MARCHF1: variants seen among roughly 807,000 people sequenced by gnomAD.
The protein encoded by MARCHF1 is E3 ubiquitin-protein ligase MARCHF1.
In MARCHF1, 40 loss-of-function variants were observed where a neutral mutation model predicts 54.2. The observed-to-expected ratio is 0.74, with a 90% CI of 0.57 to 0.96. MARCHF1 has a LOEUF of 0.96. Ranked by LOEUF, MARCHF1 falls within the 40% of genes least tolerant of loss-of-function variation. The pLI is 0.00. For synonymous variants in MARCHF1, 236 were observed against 236.3 expected (o/e 1.00, Z 0.01); for missense variants, 586 against 656.5 (o/e 0.89, Z 1.17).
intron 1 of MARCHF1, among the ~76,000 whole-genome samples, chr4:164,319,305 A>G (rs1735078164): frequency 6.6e-6 from 1 of 152,110 alleles, no homozygotes; most frequent in Non-Finnish European, 1.5e-5. Flanking sequence ...ATACTACACC[A>G]TTTTATATAA....
intron 3 of MARCHF1, among the ~76,000 whole-genome samples, chr4:163,946,822 T>C (rs764824512): frequency 3.5e-4 from 53 of 152,230 alleles, no homozygotes; most frequent in Non-Finnish European, 6.9e-4. Context: ...CCATTATCTA[T>C]TTTCCATGGA....
At chr4:164,064,113 C>A (rs1754677696) in intron 2 of MARCHF1, among the ~76,000 whole-genome samples, 1 of 152,106 alleles carries the variant, frequency 6.6e-6, no homozygotes, top group Non-Finnish European at 1.5e-5. Context: ...TAGCTTTGTT[C>A]TTTTGTCTTA....
intron 3 of MARCHF1, among the ~76,000 whole-genome samples, chr4:163,983,028 G>A (rs1461244835): frequency 6.6e-6 from 1 of 152,102 alleles, no homozygotes; most frequent in African/African-American, 2.4e-5. Context: ...GGGGAGGGTT[G>A]GTTCTCTGAA....
intron 3 of MARCHF1, among the ~76,000 whole-genome samples, chr4:163,882,738 G>A (rs771289718): frequency 1.3e-5 from 2 of 152,194 alleles, no homozygotes; most frequent in Middle Eastern, 3.4e-3. Context: ...GGAGGCTGAG[G>A]TAGGTGGATT....
intron 1 of MARCHF1, among the ~76,000 whole-genome samples, chr4:164,352,100 A>G (rs1296109098): frequency 2.4e-5 from 3 of 126,622 alleles, no homozygotes; most frequent in African/African-American, 8.2e-5. Context: ...TCCAAGAAAT[A>G]TGGGACTATG....
At chr4:163,638,744 C>G (rs11932219) in intron 5 of MARCHF1, among the ~76,000 whole-genome samples, 7,116 of 151,976 alleles carry the variant, frequency 0.047, 313 homozygotes, top group South Asian at 0.1. Flanking sequence ...TTCGCAATAG[C>G]CAAAAGGTGA....
intron 5 of MARCHF1, among the ~76,000 whole-genome samples, chr4:163,620,732 G>A (rs899012021): frequency 1.3e-5 from 2 of 151,870 alleles, no homozygotes; most frequent in African/African-American, 2.4e-5. Flanking sequence ...CATCTTGTTA[G>A]GGTAAATAGT....
rs564848511 is a variant in MARCHF1 at position 163,696,441 on chromosome 4, A to G, written c.162+4372T>C. On this transcript the variant is annotated intron_variant, in intron 5 of 9. Coordinates refer to ENST00000514618, the MANE Select transcript of MARCHF1 (RefSeq NM_001394959.1). Reference sequence around the variant, plus strand: ...AAGGACCTTGATGGGTTCTAGATCAATTTCTCTGTTTCTAAGCCAGATGAC... The same window carrying G: ...AAGGACCTTGATGGGTTCTAGATCAGTTTCTCTGTTTCTAAGCCAGATGAC... Among the ~76,000 whole-genome samples the G allele has an allele frequency of 8.3e-4, 126 of 152,202 alleles. 1 individual carries two copies. The highest frequency in any genetic ancestry group is 2.9e-3 in the African/African-American group (121 of 41,542).
intron 2 of MARCHF1, among the ~76,000 whole-genome samples, chr4:163,991,315 CA>C (rs1181879614): frequency 2.6e-5 from 4 of 152,212 alleles, no homozygotes; most frequent in African/African-American, 7.2e-5. Context: ...CCAACTGTAT[CA>C]GGGGAAAAAC....
At chr4:163,806,118 G>T (rs1278070988) in intron 4 of MARCHF1, among the ~76,000 whole-genome samples, 1 of 152,220 alleles carries the variant, frequency 6.6e-6, no homozygotes, top group African/African-American at 2.4e-5. Flanking sequence ...GCATCAAGGT[G>T]TAGGTTTAAT....
intron 7 of MARCHF1, among the ~76,000 whole-genome samples, chr4:163,597,118 A>G (rs1716980060): frequency 6.6e-6 from 1 of 151,934 alleles, no homozygotes; most frequent in African/African-American, 2.4e-5. Flanking sequence ...ACCACGCCCG[A>G]CTAATTTTTG....
At chr4:163,818,347 A>C (rs1326589007) in intron 4 of MARCHF1, among the ~76,000 whole-genome samples, 1 of 151,980 alleles carries the variant, frequency 6.6e-6, no homozygotes, top group Non-Finnish European at 1.5e-5. Context: ...GGTTTGCTGC[A>C]CCTATCAACC....
At chr4:163,605,210 A>C (rs1379729598) in intron 7 of MARCHF1, among the ~76,000 whole-genome samples, 2 of 152,194 alleles carry the variant, frequency 1.3e-5, no homozygotes, top group East Asian at 3.9e-4. Flanking sequence ...AAGCAAATTT[A>C]CAAGAAAAAA....
At chr4:164,331,121 TCTC>T (rs1307380321) in intron 1 of MARCHF1, among the ~76,000 whole-genome samples, 3 of 152,276 alleles carry the variant, frequency 2.0e-5, no homozygotes, top group Non-Finnish European at 4.4e-5. Context: ...ATTTCTCTTA[TCTC>T]CTTTTATTTA....
chr4:164,120,160 T>C (rs1008734076), intron 1 of MARCHF1, among the ~76,000 whole-genome samples: 15 of 152,128 alleles, frequency 9.9e-5, no homozygotes, highest in African/African-American at 3.6e-4. Flanking sequence ...TCTATGCCAA[T>C]GGAAACCAAA....
At chr4:163,761,302 G>A (rs967693091) in intron 4 of MARCHF1, among the ~76,000 whole-genome samples, 1 of 152,222 alleles carries the variant, frequency 6.6e-6, no homozygotes, top group Non-Finnish European at 1.5e-5. Context: ...CTTAAAGTCT[G>A]CAGGGCAGAA....
intron 8 of MARCHF1, among the ~76,000 whole-genome samples, chr4:163,568,029 T>C (rs1043617568): frequency 6.6e-6 from 1 of 152,150 alleles, no homozygotes; most frequent in Non-Finnish European, 1.5e-5. Flanking sequence ...TGGTCTTCTA[T>C]TGCTATTGAC....
chr4:164,140,327 C>A (rs1259807196), intron 1 of MARCHF1, among the ~76,000 whole-genome samples: 1 of 151,448 alleles, frequency 6.6e-6, no homozygotes, highest in Admixed American at 6.6e-5. Context: ...AAAAAATCAA[C>A]CCTCAAAGCC....
At chr4:164,021,747 G>C (rs1753670124) in intron 2 of MARCHF1, among the ~76,000 whole-genome samples, 1 of 151,864 alleles carries the variant, frequency 6.6e-6, no homozygotes, top group Non-Finnish European at 1.5e-5. Flanking sequence ...ATCCCAGCTA[G>C]TCAGGAGATG....
Sources: allele counts gnomAD v4.1 joint callset (sites outside exome capture counted in the v4.1 genomes callset), GRCh38; gene constraint gnomAD v4.1.1; transcripts MANE v1.5; gene names NCBI Gene and HGNC (gene_info 2026-07-23, HGNC 2026-07-21).